CDK11A: variants seen among roughly 807,000 people sequenced by gnomAD.
CDK11A encodes the protein cyclin-dependent kinase 11A.
A neutral mutation model predicts 83.6 loss-of-function variants in CDK11A; 55 were observed. The observed-to-expected ratio is 0.66, with a 90% CI of 0.53 to 0.82. The LOEUF is 0.82. Among genes scored for constraint, CDK11A ranks in the 40% least tolerant of loss-of-function variants. CDK11A has a pLI of 0.00. For synonymous variants in CDK11A, 247 were observed against 302.7 expected (o/e 0.82, Z 1.91); for missense variants, 564 against 810.1 (o/e 0.70, Z 3.69).
chr1:1,717,781 GCTCT>G (rs1644728284), intron 4 of CDK11A, among the ~76,000 whole-genome samples: 1 of 149,372 alleles, frequency 6.7e-6, no homozygotes, highest in Non-Finnish European at 1.5e-5. Context: ...GCTAGAGTTT[GCTCT>G]CTCTGGTTTT....
intron 11 of CDK11A, among the ~76,000 whole-genome samples, chr1:1,706,277 T>C (rs1212981235): frequency 6.6e-6 from 1 of 150,820 alleles, no homozygotes; most frequent in Non-Finnish European, 1.5e-5. Context: ...TTCACCATAT[T>C]GGCCAGGCTG....
chr1:1,719,501 G>C, intron 3 of CDK11A, 46 bp from the exon 4 acceptor site: 6 of 1,358,576 alleles, frequency 4.4e-6, no homozygotes, highest in Non-Finnish European at 5.8e-6. Context: ...AGAAAGTGCG[G>C]AAAAGCATCA....
intron 3 of CDK11A, among the ~76,000 whole-genome samples, chr1:1,720,869 T>C (rs1351449907): frequency 1.3e-5 from 2 of 151,100 alleles, no homozygotes; most frequent in African/African-American, 4.9e-5. Context: ...TTTTTGTATT[T>C]GTAGTAGAGA....
rs1235869767 is a variant in CDK11A at position 1,723,504 on chromosome 1, A to C, written c.-13-673T>G. On this transcript the variant is annotated intron_variant, in intron 1 of 19. Transcript: ENST00000404249. ...ACCCCGTCTCAAAAAAAAAAAAAAAAAAAAAAAAAAAAAAAAAAACAAGAA... is the reference window on the plus strand; with the variant it reads ...ACCCCGTCTCAAAAAAAAAAAAAAACAAAAAAAAAAAAAAAAAAACAAGAA... Among the ~76,000 whole-genome samples the C allele has an allele frequency of 2.2e-4, 15 of 69,194 alleles. 1 individual carries two copies. Among genetic ancestry groups the C allele is most frequent in the African/African-American group, 5.1e-4 (15 of 29,258 alleles). The allele number at this position is 69,194 out of a possible 152,430, so 45.4% of individuals were successfully genotyped here. A position where few individuals can be genotyped will look rare whatever the true frequency, so the allele number is the denominator to read the frequency against.
chr1:1,722,903 C>T, intron 1 of CDK11A, 72 bp from the exon 2 acceptor site: 1 of 572,104 alleles, frequency 1.7e-6, no homozygotes, highest in Non-Finnish European at 2.7e-6. Flanking sequence ...TGAACCTAGT[C>T]ACTTTTGAGG....
chr1:1,703,458 C>T lies in CDK11A; in HGVS notation c.2060+18G>A, dbSNP rs1370808458. The T allele has an allele frequency of 4.1e-5, 61 of 1,487,684 alleles. 3 individuals are homozygous for T. Among genetic ancestry groups the T allele is most frequent in the Admixed American group, 1.1e-4 (5 of 47,576 alleles). The allele number at this position is 1,487,684 out of a possible 1,614,324, so 92.2% of individuals were successfully genotyped here. ...CTATGGCTCGGGACCTCCCGCCACCCGGCTGCACTGGGCTCACTTGTTCAT... is the reference window on the plus strand; with the variant it reads ...CTATGGCTCGGGACCTCCCGCCACCTGGCTGCACTGGGCTCACTTGTTCAT... On this transcript the variant is annotated intron_variant, in intron 18 of 19. Transcript: ENST00000404249.
Position 1,702,690 on chromosome 1 carries a change from C to A in CDK11A, c.*217G>T, listed in dbSNP as rs1230382636. 1.6e-6 allele frequency: 1 copy of A among 615,764 alleles called. No homozygotes were observed. The highest frequency in any genetic ancestry group is 1.9e-5 in the South Asian group (1 of 51,476). 38.1% of individuals were successfully genotyped at this position (615,764 alleles called of 1,614,324 possible). On this transcript the variant is annotated 3_prime_UTR_variant, in exon 20 of 20. Transcript: ENST00000404249. ...AGGTTTGTGCTGCCCCACGTGGGCA[C>A]CCGAAGATGCCCTGGCAAGTCACGG...
intron 5 of CDK11A, among the ~76,000 whole-genome samples, chr1:1,715,195 CTT>C (rs1644591450): frequency 8.9e-6 from 1 of 112,426 alleles, no homozygotes; most frequent in African/African-American, 2.9e-5. Flanking sequence ...TATCAGTTTC[CTT>C]TTTGTCAGAG....
intron 4 of CDK11A, among the ~76,000 whole-genome samples, chr1:1,718,702 T>C (rs1244293142): frequency 2.0e-5 from 3 of 148,254 alleles, no homozygotes; most frequent in Non-Finnish European, 4.5e-5. Context: ...AGTGGTGCGA[T>C]AGCGGCTCAC....
chr1:1,704,939 G>A lies in CDK11A; in HGVS notation c.1423C>T (p.Leu475Phe), dbSNP rs1346163253. 1 of 1,597,208 alleles carries A rather than the reference G, an allele frequency of 6.3e-7. No homozygotes were observed. Among genetic ancestry groups the A allele is most frequent in the Non-Finnish European group, 8.5e-7 (1 of 1,172,944 alleles). ...ACAATGTTGGGATGCTGGGCCTTGA[G>A]GATGGTGTTGATCTCCCTCAGGGAC... ...ITSLREINTI[L>F]KAQHPNIVTV... Residue 475 changes from leucine to phenylalanine, a missense_variant, in exon 13 of 20, where the codon CTC (leucine) becomes TTC (phenylalanine). Leu to Phe is a conservative substitution (Grantham distance 22). Transcript: ENST00000404249.
At chr1:1,719,175 T>C (rs1570430948) in intron 4 of CDK11A, 153 bp downstream of exon 4, 4 of 583,526 alleles carry the variant, frequency 6.9e-6, no homozygotes, top group African/African-American at 1.9e-5. Flanking sequence ...ATTCTCTCTA[T>C]AGCCCTTCTG....
At chr1:1,708,081 T>C in intron 10 of CDK11A, 99 bp downstream of exon 10, 2 of 1,558,766 alleles carry the variant, frequency 1.3e-6, no homozygotes, top group South Asian at 1.2e-5. Flanking sequence ...TCCCAGACCC[T>C]GGCGTGCCCC....
Position 1,704,101 on chromosome 1 carries a change from C to A in CDK11A, c.1732G>T (p.Ala578Ser). ...LAREYGSPLK[A>S]YTPVVVTQWY... ...TGGGTCACCACGACCGGGGTGTAGG[C>A]CTTCAGAGGGGATCCGTACTCCCGC... The change falls in exon 16 of 20, where the codon GCC becomes TCC. Residue 578 changes from alanine to serine, a missense_variant. Physicochemically the swap from Ala to Ser is moderately conservative, Grantham distance 99. Around this residue, in one of 5 missense-constraint regions of CDK11A, gnomAD observed 361 missense variants for 402.7 expected, o/e 0.90. Transcript: ENST00000404249. 1.2e-6 allele frequency: 2 copies of A among 1,601,094 alleles called. No homozygotes were observed. Among genetic ancestry groups the A allele is most frequent in the Non-Finnish European group, 1.7e-6 (2 of 1,172,154 alleles).
Position 1,703,638 on chromosome 1 carries a change from G to A in CDK11A, c.1912-14C>T, listed in dbSNP as rs766866039. On this transcript the variant is annotated splice_polypyrimidine_tract_variant and intron_variant, in intron 17 of 19. Coordinates refer to ENST00000404249, the MANE Select transcript of CDK11A (RefSeq NM_024011.4). ...GGTCCCCAGCTCCTGAAAGACAGAG[G>A]TGCTTCAACAGCCACACCAAGTGGC... The A allele has an allele frequency of 1.7e-5, 27 of 1,590,248 alleles. 2 individuals are homozygous for A. The African/African-American group carries it at 2.4e-4, about 14-fold the overall frequency.
At chr1:1,708,502 G>A (rs1215605491) in intron 9 of CDK11A, among the ~76,000 whole-genome samples, 6 of 122,072 alleles carry the variant, frequency 4.9e-5, no homozygotes, top group African/African-American at 1.2e-4. Flanking sequence ...TTATCCGGGC[G>A]TGGTGGCGCA....
At chr1:1,721,967 C>A (rs1644922118) in intron 2 of CDK11A, 1 of 379,196 alleles carries the variant, frequency 2.6e-6, no homozygotes, top group Non-Finnish European at 4.9e-6. Context: ...CTGGCTAACA[C>A]GGAGAGACCC....
intron 1 of CDK11A, among the ~76,000 whole-genome samples, chr1:1,723,622 A>G (rs1644997226): frequency 1.2e-5 from 1 of 85,334 alleles, no homozygotes; most frequent in South Asian, 4.2e-4. Flanking sequence ...CAGGAGTTCC[A>G]GGCTGAAGTG....
Position 1,716,345 on chromosome 1 carries a change from C to A in CDK11A, c.488+1G>T. 1 of 1,608,866 alleles carries A rather than the reference C, an allele frequency of 6.2e-7. No homozygotes were observed. On this transcript the variant is annotated splice_donor_variant, in intron 5 of 19. Transcript: ENST00000404249. LOFTEE classifies it high-confidence loss of function. ...GTCCTCAACTGACCCAGCCCACTCA[C>A]CTTTCTCTCCTGGAATGCTCCCTTG...
At chr1:1,706,497 TA>T (rs2101173272) in intron 11 of CDK11A, among the ~76,000 whole-genome samples, 1 of 151,314 alleles carries the variant, frequency 6.6e-6, no homozygotes, top group East Asian at 2.0e-4. Context: ...TCCAGTGAGC[TA>T]TGATTAAGCC....
Sources: allele counts gnomAD v4.1 joint callset (sites outside exome capture counted in the v4.1 genomes callset), GRCh38; gene constraint gnomAD v4.1.1; regional missense constraint gnomAD v4.1.1; transcripts MANE v1.5; gene names NCBI Gene and HGNC (gene_info 2026-07-23, HGNC 2026-07-21).